OPHN1: variants seen among roughly 807,000 people sequenced by gnomAD.
OPHN1 encodes the protein oligophrenin-1.
In OPHN1, 11 loss-of-function variants were observed where a neutral mutation model predicts 60.7. The ratio of observed to expected loss-of-function variants is 0.18; its 90% confidence interval spans 0.11 to 0.30. The LOEUF (loss-of-function observed/expected upper bound fraction) is 0.30, where lower values mean the gene tolerates loss of function less well. Ranked by LOEUF, OPHN1 falls within the 10% of genes least tolerant of loss-of-function variation. OPHN1 has a pLI of 1.00. For missense variants in OPHN1, 449 were observed against 611.0 expected (o/e 0.73, Z 2.80); for synonymous variants, 226 against 222.6 (o/e 1.02, Z -0.14).
chrX:68,404,036 G>GT (rs2078728404), intron 2 of OPHN1, among the ~76,000 whole-genome samples: 2 of 110,367 alleles, frequency 1.8e-5, no homozygotes, highest in Non-Finnish European at 3.8e-5. Context: ...TTGTATATAT[G>GT]TAAGTCATTC....
chrX:68,419,721 T>C (rs1446383071), intron 2 of OPHN1, among the ~76,000 whole-genome samples: 1 of 108,864 alleles, frequency 9.2e-6, no homozygotes, highest in Admixed American at 9.9e-5. Flanking sequence ...TTGTATTTTT[T>C]GTACAGGCAG....
chrX:68,324,902 T>A (rs1276497437), intron 2 of OPHN1, among the ~76,000 whole-genome samples: 6 of 94,235 alleles, frequency 6.4e-5, no homozygotes, highest in African/African-American at 9.3e-5. Flanking sequence ...AAAAAAAAAA[T>A]TTGATGGGCA....
chrX:68,112,072 CACACACACACACACACAGAG>C, intron 17 of OPHN1, 113 bp from the exon 18 acceptor site: 1 of 414,910 alleles, frequency 2.4e-6, no homozygotes, highest in Non-Finnish European at 4.3e-6. Context: ...CACACACACA[CACACACACACACACACAGAG>C]AGAGATTCGG....
intron 16 of OPHN1, among the ~76,000 whole-genome samples, chrX:68,115,014 G>C (rs748269975): frequency 3.5e-4 from 39 of 111,858 alleles, no homozygotes; most frequent in African/African-American, 1.2e-3. Context: ...CTAGAGAACA[G>C]ATGACGAAAC....
Position 68,092,961 on chromosome X carries a change from G to A in OPHN1, c.1686+3909C>T, listed in dbSNP as rs1386981494. Among the ~76,000 whole-genome samples the A allele has an allele frequency of 6.3e-5, 7 of 111,183 alleles. No individual in the cohort carries two copies. In the East Asian group the frequency reaches 2.0e-3, roughly 31 times the overall value. On this transcript the variant is annotated intron_variant, in intron 19 of 24. Coordinates refer to ENST00000355520, the MANE Select transcript of OPHN1 (RefSeq NM_002547.3). The stretch of plus-strand genomic sequence containing the variant: ...ATCATATAATGAATGTTCAGAATAT[G>A]CTTCCAAGGCTCCCTACTGCCTTCA...
At chrX:68,209,195 C>A (rs936480423) in intron 9 of OPHN1, among the ~76,000 whole-genome samples, 3 of 111,632 alleles carry the variant, frequency 2.7e-5, no homozygotes, top group African/African-American at 9.8e-5. Context: ...CAAATAAAAT[C>A]AAATCACACA....
chrX:68,246,361 T>C (rs1246361683), intron 5 of OPHN1, among the ~76,000 whole-genome samples: 4 of 111,452 alleles, frequency 3.6e-5, no homozygotes, highest in East Asian at 5.6e-4. Flanking sequence ...TGTTGCTATA[T>C]GGAGGGAGAA....
intron 6 of OPHN1, among the ~76,000 whole-genome samples, chrX:68,220,363 C>G (rs911591568): frequency 1.8e-5 from 2 of 110,931 alleles, no homozygotes; most frequent in Non-Finnish European, 3.8e-5. Flanking sequence ...CAAGGAGGAA[C>G]TGGTACTATT....
At chrX:68,085,633 C>A (rs746547383) in intron 19 of OPHN1, among the ~76,000 whole-genome samples, 2 of 112,016 alleles carry the variant, frequency 1.8e-5, no homozygotes, top group East Asian at 2.8e-4. Context: ...GGAAGGGCAA[C>A]TTGCGGAAAA....
intron 15 of OPHN1, among the ~76,000 whole-genome samples, chrX:68,166,395 G>A (rs775540281): frequency 8.2e-5 from 9 of 110,315 alleles, no homozygotes; most frequent in East Asian, 5.7e-4. Flanking sequence ...TTAGCTGGGC[G>A]TGGTGGCGGG....
At chrX:68,360,314 A>C (rs1420428663) in intron 2 of OPHN1, among the ~76,000 whole-genome samples, 3 of 110,310 alleles carry the variant, frequency 2.7e-5, no homozygotes, top group Non-Finnish European at 5.7e-5. Flanking sequence ...AGTAGGTAGG[A>C]CTACAGTGAC....
At chrX:68,430,892 G>A in intron 2 of OPHN1, among the ~76,000 whole-genome samples, 1 of 111,269 alleles carries the variant, frequency 9.0e-6, no homozygotes, top group Non-Finnish European at 1.9e-5. Context: ...CCTAGCTTAT[G>A]AAACTTTTGC....
chrX:68,142,083 A>G (rs972759559), intron 15 of OPHN1, among the ~76,000 whole-genome samples: 2 of 111,875 alleles, frequency 1.8e-5, no homozygotes, highest in African/African-American at 6.5e-5. Context: ...AAGTCCCACC[A>G]TCATCACCTG....
rs1168135342 is a variant in OPHN1, at chrX:68,217,849, G to A, written c.487-3877C>T. Among the ~76,000 whole-genome samples the A allele has an allele frequency of 7.3e-3, 237 of 32,625 alleles. 3 individuals are homozygous for A. The highest frequency in any genetic ancestry group is 9.4e-3 in the African/African-American group (228 of 24,221). The allele number at this position is 32,625 out of a possible 115,157, so 28.3% of individuals were successfully genotyped here. ...GGGGAAAAAACAGAACAGAAAAACC[G>A]GAAACTCTAAAAAGCAGAGCGCCTC... On this transcript the variant is annotated intron_variant, in intron 6 of 24. Coordinates refer to ENST00000355520, the MANE Select transcript of OPHN1 (RefSeq NM_002547.3).
chrX:68,379,125 G>A (rs1289118464), intron 2 of OPHN1, among the ~76,000 whole-genome samples: 2 of 110,903 alleles, frequency 1.8e-5, no homozygotes, highest in East Asian at 5.7e-4. Flanking sequence ...GTGGTTTGTA[G>A]TTCTCCTTGA....
At chrX:68,351,060 C>G (rs2078408025) in intron 2 of OPHN1, among the ~76,000 whole-genome samples, 1 of 111,340 alleles carries the variant, frequency 9.0e-6, no homozygotes, top group African/African-American at 3.3e-5. Flanking sequence ...TCCTGAGTAG[C>G]TGGGATTACA....
chrX:68,229,586 T>C (rs1226147952), intron 6 of OPHN1, among the ~76,000 whole-genome samples: 6 of 111,161 alleles, frequency 5.4e-5, no homozygotes, highest in Non-Finnish European at 7.5e-5. Flanking sequence ...TGGAACAGAA[T>C]AGATCCCTCA....
At chrX:68,421,331 A>G (rs1214488556) in intron 2 of OPHN1, among the ~76,000 whole-genome samples, 1 of 111,665 alleles carries the variant, frequency 9.0e-6, no homozygotes, top group Non-Finnish European at 1.9e-5. Flanking sequence ...CATGGATTCT[A>G]GAAGACAAAC....
chrX:68,227,481 T>C (rs2040980018), intron 6 of OPHN1, among the ~76,000 whole-genome samples: 1 of 111,100 alleles, frequency 9.0e-6, no homozygotes, highest in Non-Finnish European at 1.9e-5. Context: ...ATCGCACTTA[T>C]TAAAAATTGA....
Sources: gnomAD v4.1 joint callset for allele counts (sites outside exome capture counted in the v4.1 genomes callset) on GRCh38, gnomAD v4.1.1 for gene constraint, MANE v1.5 for transcripts, NCBI Gene and HGNC (gene_info 2026-07-23, HGNC 2026-07-21) for gene names.